CMTM8: variants seen among roughly 807,000 people sequenced by gnomAD.
CMTM8 encodes the protein CKLF like MARVEL transmembrane domain containing 8.
A neutral mutation model predicts 18.6 loss-of-function variants in CMTM8; 12 were observed. The ratio of observed to expected loss-of-function variants is 0.65; its 90% confidence interval spans 0.41 to 1.05. CMTM8 has a LOEUF of 1.05. Ranked by LOEUF, CMTM8 falls within the 50% of genes least tolerant of loss-of-function variation. CMTM8 has a pLI of 0.00. For missense variants in CMTM8, 217 were observed against 227.2 expected (o/e 0.95, Z 0.29); for synonymous variants, 87 against 90.6 (o/e 0.96, Z 0.23).
intron 1 of CMTM8, chr3:32,259,414 TG>T (rs1702223485): frequency 1.1e-6 from 1 of 873,814 alleles, no homozygotes; most frequent in Non-Finnish European, 2.0e-6. Flanking sequence ...ATGCCTGTCT[TG>T]CTGCTGATGA....
chr3:32,310,465 G>A (rs1695798919), intron 1 of CMTM8, among the ~76,000 whole-genome samples: 1 of 152,196 alleles, frequency 6.6e-6, no homozygotes, highest in East Asian at 1.9e-4. Flanking sequence ...TTGCCAATGA[G>A]GGGTGCCAAA....
chr3:32,247,217 A>T (rs759029431), intron 1 of CMTM8, among the ~76,000 whole-genome samples: 2 of 152,228 alleles, frequency 1.3e-5, no homozygotes, highest in Non-Finnish European at 2.9e-5. Flanking sequence ...CTTTATTGAG[A>T]TATAATTACA....
chr3:32,364,379 C>G lies in CMTM8; in HGVS notation c.322-3493C>G, dbSNP rs538483882. 1.1e-3 allele frequency among the ~76,000 whole-genome samples: 165 copies of G among 152,280 alleles called. 1 individual carries two copies. Among genetic ancestry groups the G allele is most frequent in the African/African-American group, 3.8e-3 (158 of 41,556 alleles). On this transcript the variant is annotated intron_variant, in intron 2 of 3. Coordinates refer to ENST00000307526, the MANE Select transcript of CMTM8 (RefSeq NM_178868.5). Reference sequence around the variant, plus strand: ...ATTAGCCAGGCGTGGTAGCATGCGCCTGTAGTCCCAGCTACTCAGGAGGCT... The same window carrying G: ...ATTAGCCAGGCGTGGTAGCATGCGCGTGTAGTCCCAGCTACTCAGGAGGCT...
chr3:32,313,249 T>G (rs1695854069), intron 1 of CMTM8, among the ~76,000 whole-genome samples: 1 of 152,086 alleles, frequency 6.6e-6, no homozygotes, highest in Non-Finnish European at 1.5e-5. Context: ...GCCCGCTCTT[T>G]CCCGACGGAT....
chr3:32,308,287 G>A (rs1199740998), intron 1 of CMTM8, among the ~76,000 whole-genome samples: 2 of 152,202 alleles, frequency 1.3e-5, no homozygotes, highest in Non-Finnish European at 2.9e-5. Context: ...GGATGCTAGT[G>A]ATATATTGTG....
At chr3:32,326,515 CTTTTTTT>C (rs58555396) in intron 1 of CMTM8, among the ~76,000 whole-genome samples, 4 of 113,372 alleles carry the variant, frequency 3.5e-5, no homozygotes, top group South Asian at 3.1e-4. Flanking sequence ...TTCTTTCTTT[CTTTTTTT>C]TTTTTTTTTT....
chr3:32,319,075 T>TATATATGTA (rs1553605531), intron 1 of CMTM8, among the ~76,000 whole-genome samples: 1 of 25,250 alleles, frequency 4.0e-5, no homozygotes, highest in Non-Finnish European at 6.7e-5. Context: ...TATATATATA[T>TATATATGTA]TTTTTTTTTT....
chr3:32,351,758 C>T (rs1488953088), intron 1 of CMTM8, among the ~76,000 whole-genome samples: 1 of 151,520 alleles, frequency 6.6e-6, no homozygotes, highest in Non-Finnish European at 1.5e-5. Flanking sequence ...AGACAAAAGA[C>T]TCTATGACTT....
At chr3:32,332,851 T>A (rs961385539) in intron 1 of CMTM8, among the ~76,000 whole-genome samples, 3 of 152,154 alleles carry the variant, frequency 2.0e-5, no homozygotes, top group Non-Finnish European at 4.4e-5. Context: ...AAGGCCCCCC[T>A]TGTTTGGTTT....
chr3:32,259,715 G>A, intron 1 of CMTM8: 1 of 1,088,276 alleles, frequency 9.2e-7, no homozygotes, highest in East Asian at 2.3e-5. Context: ...TGACGAGCTG[G>A]CTCGGAAGAA....
chr3:32,294,083 T>C (rs1702830398), intron 1 of CMTM8, among the ~76,000 whole-genome samples: 1 of 152,196 alleles, frequency 6.6e-6, no homozygotes, highest in Non-Finnish European at 1.5e-5. Context: ...AGAGGCCAGT[T>C]TCTCCACAGC....
At chr3:32,348,397 G>A (rs1011193509) in intron 1 of CMTM8, among the ~76,000 whole-genome samples, 1 of 151,974 alleles carries the variant, frequency 6.6e-6, no homozygotes, top group African/African-American at 2.4e-5. Context: ...CCACTGTGCT[G>A]GGTACTTAGA....
chr3:32,244,114 C>T (rs1388141782), intron 1 of CMTM8: 1 of 153,752 alleles, frequency 6.5e-6, no homozygotes, highest in Non-Finnish European at 1.4e-5. Flanking sequence ...AAGGTCAGGT[C>T]CAGGGAGCTA....
At chr3:32,245,301 A>G (rs1319834437) in intron 1 of CMTM8, among the ~76,000 whole-genome samples, 1 of 152,232 alleles carries the variant, frequency 6.6e-6, no homozygotes, top group Non-Finnish European at 1.5e-5. Flanking sequence ...AGAACAAAGC[A>G]GTGTTTTTTC....
intron 1 of CMTM8, among the ~76,000 whole-genome samples, chr3:32,349,852 A>G (rs1696670814): frequency 6.6e-6 from 1 of 152,162 alleles, no homozygotes; most frequent in Non-Finnish European, 1.5e-5. Flanking sequence ...TACTAAAAAT[A>G]CAAAAATTAG....
At chr3:32,318,401 T>C (rs192882084) in intron 1 of CMTM8, among the ~76,000 whole-genome samples, 181 of 152,174 alleles carry the variant, frequency 1.2e-3, no homozygotes, top group African/African-American at 3.9e-3. Flanking sequence ...ATAAAGATGT[T>C]TGCAGCAAGC....
In CMTM8 at chr3:32,238,906, G is replaced by C. The variant is rs1430063803; in HGVS notation, c.-67G>C. The C allele has an allele frequency of 6.9e-7, 1 of 1,457,524 alleles. No homozygotes were observed. The highest frequency in any genetic ancestry group is 9.1e-7 in the Non-Finnish European group (1 of 1,099,728). The allele number at this position is 1,457,524 out of a possible 1,614,324, so 90.3% of individuals were successfully genotyped here. On this transcript the variant is annotated 5_prime_UTR_variant, in exon 1 of 4. Transcript: ENST00000307526. The stretch of plus-strand genomic sequence containing the variant: ...CCGCGCCTGTGTCCCCAGGGCGCAG[G>C]GCCGCGCGTCCAGCCCCAGACCCGC...
chr3:32,307,252 A>C (rs1695732002), intron 1 of CMTM8, among the ~76,000 whole-genome samples: 1 of 152,226 alleles, frequency 6.6e-6, no homozygotes, highest in African/African-American at 2.4e-5. Context: ...AGGCAAGAGA[A>C]TCACTTGAAA....
At chr3:32,267,812 G>T (rs1575152565) in intron 1 of CMTM8, among the ~76,000 whole-genome samples, 1 of 152,178 alleles carries the variant, frequency 6.6e-6, no homozygotes, top group Non-Finnish European at 1.5e-5. Context: ...CTTCTCAAAA[G>T]AAGACATTTA....
Sources: allele counts gnomAD v4.1 joint callset (sites outside exome capture counted in the v4.1 genomes callset), GRCh38; gene constraint gnomAD v4.1.1; transcripts MANE v1.5; gene names NCBI Gene and HGNC (gene_info 2026-07-23, HGNC 2026-07-21).